The following PTER variants were observed in gnomAD, a reference collection of about 807,000 sequenced individuals.
PTER encodes phosphotriesterase related.
Under a neutral mutation model 29.6 loss-of-function variants are expected in PTER, and 38 were observed. The ratio of observed to expected loss-of-function variants is 1.28; its 90% confidence interval spans 0.99 to 1.68. The LOEUF is 1.68. PTER is among the 40% of genes most tolerant of loss of function. PTER has a pLI of 0.00. For missense variants in PTER, 482 were observed against 427.8 expected, an observed-to-expected ratio of 1.13 and a Z score of -1.12; for synonymous variants, 172 against 154.5, an observed-to-expected ratio of 1.11 and a Z score of -0.84.
chr10:16,471,817 A>G (rs1299756758), intron 1 of PTER, among the ~76,000 whole-genome samples: 1 of 152,256 alleles, frequency 6.6e-6, no homozygotes, highest in Non-Finnish European at 1.5e-5. Flanking sequence ...ATATAATGCC[A>G]TAATGGACTC....
chr10:16,442,990 A>T (rs958396333), intron 1 of PTER, among the ~76,000 whole-genome samples: 1 of 152,082 alleles, frequency 6.6e-6, no homozygotes, highest in African/African-American at 2.4e-5. Context: ...TAAAAATAAG[A>T]TGAAATAAAA....
intron 1 of PTER, among the ~76,000 whole-genome samples, chr10:16,446,562 G>T (rs1834019688): frequency 6.6e-6 from 1 of 152,036 alleles, no homozygotes; most frequent in Non-Finnish European, 1.5e-5. Context: ...TGTTCTCCAT[G>T]AAGACTCTAC....
intron 1 of PTER, among the ~76,000 whole-genome samples, chr10:16,478,691 G>A (rs1458221759): frequency 6.6e-6 from 1 of 152,002 alleles, no homozygotes; most frequent in Non-Finnish European, 1.5e-5. Context: ...AATTTGGGAA[G>A]CCACTGGTAC....
rs930732981 is a variant in PTER at position 16,473,650 on chromosome 10, C to T, written c.-48-10687C>T. ...TTCGTCTCTGGCCGAATGCTGTAAA[C>T]GCTCATAAATATCAAGTAATAAGAT... On this transcript the variant is annotated intron_variant, in intron 1 of 4. Coordinates refer to ENST00000535784, the MANE Select transcript of PTER (RefSeq NM_001261836.2). Among the ~76,000 whole-genome samples, 10 of 150,582 alleles carry T rather than the reference C, an allele frequency of 6.6e-5. No homozygotes were observed. In the South Asian group the frequency reaches 1.1e-3, roughly 16 times the overall value.
chr10:16,505,910 G>A (rs1364436554), intron 4 of PTER, among the ~76,000 whole-genome samples: 5 of 152,142 alleles, frequency 3.3e-5, no homozygotes, highest in Non-Finnish European at 7.4e-5. Context: ...TAGTTGAACC[G>A]TGGGAATGAA....
rs1015898288 is a variant in PTER, at chr10:16,511,874, G to T, written c.*618G>T. The T allele has an allele frequency of 6.6e-6, 1 of 152,514 alleles. No individual in the cohort carries two copies. Among genetic ancestry groups the T allele is most frequent in the African/African-American group, 2.4e-5 (1 of 41,348 alleles). 9.4% of individuals were successfully genotyped at this position (152,514 alleles called of 1,614,324 possible). ...CTACTGAAATGATTTTGATATCTTT[G>T]GCTTTCCGGTATCTATTTTTGCCAT... On this transcript the variant is annotated 3_prime_UTR_variant, in exon 5 of 5. Transcript: ENST00000535784.
chr10:16,440,268 A>C (rs1039422764), intron 1 of PTER, among the ~76,000 whole-genome samples: 12 of 151,590 alleles, frequency 7.9e-5, no homozygotes, highest in Admixed American at 7.9e-4. Context: ...GGGTTTCATC[A>C]TGTTGATCAG....
At position 16,451,931 on chromosome 10, in the gene PTER, C is replaced by T. The variant is rs561247773; in HGVS notation, c.-49+14884C>T. 7.2e-5 allele frequency among the ~76,000 whole-genome samples: 11 copies of T among 152,160 alleles called. No homozygotes were observed. In the South Asian group the frequency reaches 2.3e-3, roughly 32 times the overall value. ...ATAATTTTCATCAGTTCTTGTGAAACTTGATTTATGCTCGTATCATCTTCC... is the reference window on the plus strand; with the variant it reads ...ATAATTTTCATCAGTTCTTGTGAAATTTGATTTATGCTCGTATCATCTTCC... On this transcript the variant is annotated intron_variant, in intron 1 of 4. Transcript: ENST00000535784.
chr10:16,456,859 A>AGGCGG lies in PTER; in HGVS notation c.-49+19814_-49+19815insCGGGG, dbSNP rs775837340. Among the ~76,000 whole-genome samples, 57 of 56,124 alleles carry AGGCGG rather than the reference A, an allele frequency of 1.0e-3. 1 individual carries two copies. The highest frequency in any genetic ancestry group is 4.4e-3 in the African/African-American group (39 of 8,952). The allele number at this position is 56,124 out of a possible 152,430, so 36.8% of individuals were successfully genotyped here. A position where few individuals can be genotyped will look rare whatever the true frequency, so the allele number is the denominator to read the frequency against. On this transcript the variant is annotated intron_variant, in intron 1 of 4. Coordinates refer to ENST00000535784, the MANE Select transcript of PTER (RefSeq NM_001261836.2). The stretch of plus-strand genomic sequence containing the variant: ...GTGGGAGGTAACTGAACCATGGGGA[A>AGGCGG]GGTGGGGGGGGGTTCCGCCATGCTG...
chr10:16,457,392 T>C (rs12219091), intron 1 of PTER, among the ~76,000 whole-genome samples: 18,962 of 151,972 alleles, frequency 0.12, 1,901 homozygotes, highest in African/African-American at 0.27. Flanking sequence ...TTTTGTATTT[T>C]TTAGTAGAGA....
At chr10:16,451,654 G>A (rs1434564266) in intron 1 of PTER, among the ~76,000 whole-genome samples, 1 of 152,198 alleles carries the variant, frequency 6.6e-6, no homozygotes, top group East Asian at 1.9e-4. Context: ...AGAGGTTGCA[G>A]TGAGCCAAGA....
In PTER at chr10:16,437,927, G is replaced by A. The variant is rs533209544; in HGVS notation, c.-49+880G>A. On this transcript the variant is annotated intron_variant, in intron 1 of 4. Coordinates refer to ENST00000535784, the MANE Select transcript of PTER (RefSeq NM_001261836.2). ...TACATAGGCAGTAAGAGGGGTTGCT[G>A]ATTTAAAGAACTTTGGACCCAGAAA... 8.5e-5 allele frequency among the ~76,000 whole-genome samples: 13 copies of A among 152,314 alleles called. No individual in the cohort carries two copies. In the East Asian group the frequency reaches 2.3e-3, roughly 27 times the overall value.
At chr10:16,450,164 G>A (rs1834154795) in intron 1 of PTER, among the ~76,000 whole-genome samples, 2 of 152,102 alleles carry the variant, frequency 1.3e-5, no homozygotes, top group Admixed American at 1.3e-4. Context: ...CCCCCTCATG[G>A]GTCATACTCT....
intron 3 of PTER, among the ~76,000 whole-genome samples, chr10:16,502,617 C>A (rs937249628): frequency 3.9e-5 from 6 of 152,036 alleles, no homozygotes; most frequent in Non-Finnish European, 8.8e-5. Flanking sequence ...GTAGTCAACT[C>A]CCAGGAATCT....
chr10:16,442,293 A>G lies in PTER; in HGVS notation c.-49+5246A>G, dbSNP rs569622839. Reference sequence around the variant, plus strand: ...GTTATCTCATGTTTATGCCTTGACAATTCGACATGTCTCATCTCCTACATT... The same window carrying G: ...GTTATCTCATGTTTATGCCTTGACAGTTCGACATGTCTCATCTCCTACATT... On this transcript the variant is annotated intron_variant, in intron 1 of 4. Transcript: ENST00000535784. Among the ~76,000 whole-genome samples, 12 of 152,338 alleles carry G rather than the reference A, an allele frequency of 7.9e-5. No homozygotes were observed. In the South Asian group the frequency reaches 2.3e-3, roughly 29 times the overall value.
intron 1 of PTER, among the ~76,000 whole-genome samples, chr10:16,446,159 T>G (rs1406490949): frequency 6.6e-6 from 1 of 152,152 alleles, no homozygotes; most frequent in Non-Finnish European, 1.5e-5. Flanking sequence ...TCTTGAATGT[T>G]CGGGGGTGGG....
chr10:16,486,590 C>G lies in PTER; in HGVS notation c.671C>G (p.Ser224Cys), dbSNP rs1464348649. ...TTGCAAGAAGCAGGCGCAGACATCT[C>G]CAAAACAGTCATGTCACACCTGGAT... ...RILQEAGADI[S>C]KTVMSHLDRT... Residue 224 changes from serine (S) to cysteine (C), a missense_variant, in exon 3 of 5, where the codon TCC becomes TGC. By Grantham distance (112) the Ser-to-Cys change is moderately radical. Transcript: ENST00000535784. 1 of 1,613,604 alleles carries G rather than the reference C, an allele frequency of 6.2e-7. No individual in the cohort carries two copies. The highest frequency in any genetic ancestry group is 2.2e-5 in the East Asian group (1 of 44,870).
intron 3 of PTER, among the ~76,000 whole-genome samples, chr10:16,496,725 G>A (rs1454034940): frequency 6.6e-6 from 1 of 152,082 alleles, no homozygotes; most frequent in Non-Finnish European, 1.5e-5. Context: ...CTTCCAAGAT[G>A]GGACTGGTGT....
intron 1 of PTER, among the ~76,000 whole-genome samples, chr10:16,467,238 A>G (rs1188898755): frequency 6.6e-6 from 1 of 152,172 alleles, no homozygotes; most frequent in Admixed American, 6.5e-5. Context: ...ATATTGTTAT[A>G]ATTCTTCTAT....
Sources: allele counts gnomAD v4.1 joint callset (sites outside exome capture counted in the v4.1 genomes callset), GRCh38; gene constraint gnomAD v4.1.1; transcripts MANE v1.5; gene names NCBI Gene and HGNC (gene_info 2026-07-23, HGNC 2026-07-21).